Variants in COA8 observed in about 807,000 individuals in gnomAD.
COA8 encodes cytochrome c oxidase assembly factor 8, also known as UPF0671 protein C14orf153.
COA8 carries 20 observed loss-of-function variants against 22.0 expected under a neutral mutation model. That is an observed-to-expected ratio of 0.91 (90% CI 0.64 to 1.32). The LOEUF (loss-of-function observed/expected upper bound fraction) is 1.32. COA8 is among the 40% of genes most tolerant of loss of function. COA8 has a pLI of 0.00. For missense variants in COA8, 266 were observed against 230.0 expected (o/e 1.16, Z -1.01); for synonymous variants, 105 against 79.9 (o/e 1.31, Z -1.68).
At chr14:103,566,385 AC>A (rs1416097157) in intron 1 of COA8, among the ~76,000 whole-genome samples, 2 of 152,116 alleles carry the variant, frequency 1.3e-5, no homozygotes, top group Non-Finnish European at 2.9e-5. Context: ...GCGCCATTGC[AC>A]TCCAGCCTGG....
chr14:103,590,064 A>T, intron 4 of COA8, 117 bp from the exon 5 acceptor site: 1 of 791,408 alleles, frequency 1.3e-6, no homozygotes, highest in Non-Finnish European at 2.1e-6. Flanking sequence ...GGAAAGGGCA[A>T]AGCAGTTGAG....
intron 1 of COA8, chr14:103,563,480 GTT>G (rs369656177): frequency 2.3e-3 from 897 of 397,118 alleles, no homozygotes; most frequent in East Asian, 4.6e-3. Context: ...GTGTGTGTGT[GTT>G]TTGGCTTTGT....
rs1010031341 is a variant in COA8 at position 103,590,546 on chromosome 14, C to T, written c.*260C>T. 6 of 394,090 alleles carry T rather than the reference C, an allele frequency of 1.5e-5. No homozygotes were observed. The highest frequency in any genetic ancestry group is 4.2e-5 in the African/African-American group (2 of 47,944). The allele number at this position is 394,090 out of a possible 1,614,324, so 24.4% of individuals were successfully genotyped here. On this transcript the variant is annotated 3_prime_UTR_variant, in exon 5 of 5. Coordinates refer to ENST00000409074, the MANE Select transcript of COA8 (RefSeq NM_001370595.2). ...CACTGGGTGCCCGTTTCCTGTGTTTCGAATTATACCAATTCAAAACAGAAC... is the reference window on the plus strand; with the variant it reads ...CACTGGGTGCCCGTTTCCTGTGTTTTGAATTATACCAATTCAAAACAGAAC...
Position 103,568,621 on chromosome 14 carries a change from GTATA to G in COA8, c.124-2979_124-2976del, listed in dbSNP as rs57741003. On this transcript the variant is annotated intron_variant, in intron 1 of 4. Coordinates refer to ENST00000409074, the MANE Select transcript of COA8 (RefSeq NM_001370595.2). ...TATACGTATATATATATGTGTGTGT[GTATA>G]TATATATATATATATATATATAGTG... Among the ~76,000 whole-genome samples, 1,361 of 141,742 alleles carry G rather than the reference GTATA, an allele frequency of 9.6e-3. 23 individuals are homozygous for G. Among genetic ancestry groups the G allele is most frequent in the East Asian group, 0.041 (198 of 4,810 alleles). The allele number at this position is 141,742 out of a possible 152,430, so 93.0% of individuals were successfully genotyped here.
At chr14:103,571,282 T>C (rs535265816) in intron 1 of COA8, among the ~76,000 whole-genome samples, 3 of 151,872 alleles carry the variant, frequency 2.0e-5, no homozygotes, top group East Asian at 3.9e-4. Flanking sequence ...GGCAGGAGAA[T>C]GGCGTGAACC....
At chr14:103,574,959 C>G (rs1347302885) in intron 3 of COA8, among the ~76,000 whole-genome samples, 1 of 152,232 alleles carries the variant, frequency 6.6e-6, no homozygotes, top group Non-Finnish European at 1.5e-5. Context: ...ATACTGTTAT[C>G]TTTACCATTT....
intron 3 of COA8, among the ~76,000 whole-genome samples, chr14:103,579,944 C>T (rs897334165): frequency 1.2e-5 from 1 of 86,696 alleles, no homozygotes; most frequent in Non-Finnish European, 2.1e-5. Flanking sequence ...GCCTGGGCAA[C>T]AAAGCAAGAC....
intron 1 of COA8, among the ~76,000 whole-genome samples, chr14:103,570,058 T>C (rs1260427157): frequency 6.6e-6 from 1 of 152,100 alleles, no homozygotes; most frequent in African/African-American, 2.4e-5. Context: ...GGTTTCACCA[T>C]GTTGGTCAGG....
intron 3 of COA8, among the ~76,000 whole-genome samples, chr14:103,584,722 T>C (rs2076292802): frequency 6.6e-6 from 1 of 152,182 alleles, no homozygotes; most frequent in African/African-American, 2.4e-5. Flanking sequence ...TCCTAGCGGG[T>C]GTGACGTGGC....
At chr14:103,587,394 G>C (rs1458979062) in intron 4 of COA8, 30 bp downstream of exon 4, 2 of 1,472,412 alleles carry the variant, frequency 1.4e-6, no homozygotes, top group Non-Finnish European at 1.9e-6. Flanking sequence ...CTGAAAATTT[G>C]AATAGCACAT....
In COA8 at chr14:103,581,640, G is replaced by A. The variant is rs982793634; in HGVS notation, c.386-5634G>A. 4 of 398,560 alleles carry A rather than the reference G, an allele frequency of 1.0e-5. No individual in the cohort carries two copies. The highest frequency in any genetic ancestry group is 2.1e-5 in the African/African-American group (1 of 48,626). The allele number at this position is 398,560 out of a possible 1,614,324, so 24.7% of individuals were successfully genotyped here. Reference sequence around the variant, plus strand: ...GGATGGAGGGGACAGCTGTGCTGCCGCCATCTCCCTTACACAGTTGAGTAA... The same window carrying A: ...GGATGGAGGGGACAGCTGTGCTGCCACCATCTCCCTTACACAGTTGAGTAA... On this transcript the variant is annotated intron_variant, in intron 3 of 4. Coordinates refer to ENST00000409074, the MANE Select transcript of COA8 (RefSeq NM_001370595.2). The surrounding 1 kb of genome is among the most constrained non-coding windows in gnomAD (Gnocchi z 4.1).
intron 1 of COA8, among the ~76,000 whole-genome samples, chr14:103,567,011 A>G (rs1488739514): frequency 1.3e-5 from 2 of 152,150 alleles, no homozygotes; most frequent in African/African-American, 4.8e-5. Flanking sequence ...TGGCTCAAGT[A>G]ATCTTCCTGC....
chr14:103,576,233 G>A (rs762538523), intron 3 of COA8, among the ~76,000 whole-genome samples: 1 of 152,162 alleles, frequency 6.6e-6, no homozygotes, highest in Non-Finnish European at 1.5e-5. Flanking sequence ...TTGAACCCAG[G>A]AGGCGGAGGT....
At chr14:103,564,428 TGAAAATGCTCTAAGAGAGCAAACGG>T (rs1403594279) in intron 1 of COA8, among the ~76,000 whole-genome samples, 2 of 152,086 alleles carry the variant, frequency 1.3e-5, no homozygotes, top group Admixed American at 1.3e-4. Context: ...AGCAGGTGTC[TGAAAATGCTCTAAGAGAGCAAACGG>T]GAAATCAACC....
intron 1 of COA8, among the ~76,000 whole-genome samples, chr14:103,566,714 T>C (rs2076137626): frequency 6.6e-6 from 1 of 152,230 alleles, no homozygotes. Context: ...TGCATGGTGG[T>C]GCAGGGGCAG....
intron 1 of COA8, 59 bp downstream of exon 1, chr14:103,563,183 C>G (rs1451307431): frequency 6.7e-7 from 1 of 1,500,106 alleles, no homozygotes; most frequent in African/African-American, 1.4e-5. Flanking sequence ...AAGACAAACC[C>G]GGGCCTCGGG....
At chr14:103,584,098 A>G (rs572592569) in intron 3 of COA8, among the ~76,000 whole-genome samples, 17 of 152,150 alleles carry the variant, frequency 1.1e-4, no homozygotes, top group Admixed American at 3.9e-4. Flanking sequence ...GTGCAGTGGC[A>G]TGATCATGGC....
intron 2 of COA8, among the ~76,000 whole-genome samples, chr14:103,573,313 G>A (rs955617897): frequency 2.6e-5 from 4 of 151,714 alleles, no homozygotes; most frequent in Non-Finnish European, 4.4e-5. Flanking sequence ...GGGATTACAG[G>A]CGCCCGCCAC....
At chr14:103,563,300 C>T in intron 1 of COA8, 176 bp downstream of exon 1, 2 of 869,914 alleles carry the variant, frequency 2.3e-6, no homozygotes, top group Non-Finnish European at 3.7e-6. Context: ...CGCCCTCAGT[C>T]GGATGGGACT....
Sources: gnomAD v4.1 joint callset for allele counts (sites outside exome capture counted in the v4.1 genomes callset) on GRCh38, gnomAD v4.1.1 for gene constraint, Gnocchi (gnomAD v3.1) non-coding constraint, MANE v1.5 for transcripts, NCBI Gene and HGNC (gene_info 2026-07-23, HGNC 2026-07-21) for gene names.